CRB2: variants seen among roughly 807,000 people sequenced by gnomAD.
The protein encoded by CRB2 is protein crumbs homolog 2.
CRB2 carries 85 observed loss-of-function variants against 110.9 expected under a neutral mutation model. That is an observed-to-expected ratio of 0.77 (90% CI 0.64 to 0.92). CRB2 has a LOEUF of 0.92. CRB2 is among the 40% of genes least tolerant of loss of function. CRB2 has a pLI of 0.00. For synonymous variants in CRB2, 907 were observed against 831.0 expected (o/e 1.09, Z -1.57); for missense variants, 1,843 against 1,851.3 (o/e 1.00, Z 0.08).
At chr9:123,354,155 T>C (rs1391068315), upstream of CRB2, among the ~76,000 whole-genome samples, 1 of 152,236 alleles carries the variant, frequency 6.6e-6, no homozygotes, top group Non-Finnish European at 1.5e-5. Context: ...CCCCGTCACG[T>C]GGGACTCCTG....
At chr9:123,378,809 T>TTTTTTTG (rs2042151443), downstream of CRB2, 1 of 70,290 alleles carries the variant, frequency 1.4e-5, no homozygotes, top group Non-Finnish European at 2.7e-5. Flanking sequence ...TTTTTTGTTT[T>TTTTTTTG]TTTTTTTTTT....
In CRB2 at chr9:123,374,703, T is replaced by TG; in HGVS notation, c.3506+13dup. The TG allele has an allele frequency of 6.3e-7, 1 of 1,593,342 alleles. No homozygotes were observed. The highest frequency in any genetic ancestry group is 8.6e-7 in the Non-Finnish European group (1 of 1,167,934). On this transcript the variant is annotated intron_variant, in intron 11 of 12. Coordinates refer to ENST00000373631, the MANE Select transcript of CRB2 (RefSeq NM_173689.7). ...GGGTCTTGCTGGCCAGAGGTGGGTC[T>TG]GGGGGCCTGGGAACTGTGAGGAGGT... is the stretch of plus-strand genomic sequence containing the variant.
intron 5 of CRB2, 61 bp from the exon 6 acceptor site, chr9:123,367,512 C>G (rs1488436861): frequency 2.1e-6 from 3 of 1,432,076 alleles, no homozygotes; most frequent in Non-Finnish European, 2.9e-6. Flanking sequence ...TAGAATGGAC[C>G]CTCTCAGCCC....
intron 5 of CRB2, 74 bp from the exon 6 acceptor site, chr9:123,367,499 C>T: frequency 7.6e-7 from 1 of 1,323,928 alleles, no homozygotes; most frequent in Non-Finnish European, 1.0e-6. Context: ...GTCTCTCTAG[C>T]TATAGAATGG....
At position 123,372,132 on chromosome 9, in the gene CRB2, G is replaced by T. The variant is rs1173661274; in HGVS notation, c.2437-45G>T. ...TGCAATGCCAGTTATGGTGGGTGAT[G>T]CTCACTGCAGTCCTGAGCCAACCCC... On this transcript the variant is annotated intron_variant, in intron 8 of 12. Transcript: ENST00000373631. 1.9e-6 allele frequency: 3 copies of T among 1,596,194 alleles called. No individual in the cohort carries two copies. In the East Asian group the frequency reaches 6.7e-5, roughly 36 times the overall value.
At position 123,373,629 on chromosome 9, in the gene CRB2, C is replaced by T. The variant is rs2042053666; in HGVS notation, c.3098C>T (p.Ala1033Val). ...CCCTTGGCGCGGCCCCGGCCCGGCG[C>T]GGCCCCTGGCGCCCGAGAGCACTTC... Reference protein sequence around the residue: ...PLPLARPRPGAAPGAREHFAS... With the variant: ...PLPLARPRPGVAPGAREHFAS... The change falls in exon 10 of 13, where the codon GCG becomes GTG. Residue 1033 changes from alanine to valine, a missense_variant. Physicochemically the swap from Ala to Val is moderately conservative, Grantham distance 64. Coordinates refer to ENST00000373631, the MANE Select transcript of CRB2 (RefSeq NM_173689.7). 2 of 1,367,598 alleles carry T rather than the reference C, an allele frequency of 1.5e-6. No individual in the cohort carries two copies. Among genetic ancestry groups the T allele is most frequent in the African/African-American group, 1.5e-5 (1 of 65,278 alleles). The allele number at this position is 1,367,598 out of a possible 1,614,324, so 84.7% of individuals were successfully genotyped here.
intron 8 of CRB2, 111 bp from the exon 9 acceptor site, chr9:123,372,066 G>C (rs2042024626): frequency 9.4e-7 from 1 of 1,061,472 alleles, no homozygotes; most frequent in African/African-American, 1.6e-5. Context: ...TCGTTTGTGA[G>C]GAGATACTGT....
rs1201707992 is a variant in CRB2, at chr9:123,370,223, G to T, written c.1170G>T (p.Gly390=). Residue 390 remains glycine, a synonymous_variant, in exon 7 of 13, where the codon GGG becomes GGT. Transcript: ENST00000373631. ...YICRCPETWG[G]RDCSVQLTGC... ...GCAGGTGCCCAGAGACCTGGGGTGG[G>T]CGCGACTGTTCTGTGCAGCTCACTG... The T allele has an allele frequency of 1.9e-6, 3 of 1,613,078 alleles. No individual in the cohort carries two copies. Among genetic ancestry groups the T allele is most frequent in the Non-Finnish European group, 2.5e-6 (3 of 1,180,018 alleles).
chr9:123,371,293 C>T lies in CRB2; in HGVS notation c.2151C>T (p.Leu717=), dbSNP rs1158548095. The change falls in exon 8 of 13, where the codon CTC becomes CTT. Residue 717 remains leucine, a synonymous_variant. Transcript: ENST00000373631. ...AEVPGSPAVV[L]PGRWDDGLRH... ...TGCCGGGCAGTCCTGCTGTAGTGCT[C>T]CCTGGGCGCTGGGATGATGGGCTCC... The T allele has an allele frequency of 1.2e-6, 2 of 1,613,310 alleles. No homozygotes were observed. Among genetic ancestry groups the T allele is most frequent in the Non-Finnish European group, 1.7e-6 (2 of 1,179,656 alleles).
rs2042041619 is a variant in CRB2, at chr9:123,373,173, C to T, written c.2642C>T (p.Ala881Val). Residue 881 changes from alanine to valine, a missense_variant, in exon 10 of 13, where the codon GCG (alanine) becomes GTG (valine). Ala to Val is a moderately conservative substitution (Grantham distance 64, BLOSUM62 0). Coordinates refer to ENST00000373631, the MANE Select transcript of CRB2 (RefSeq NM_173689.7). ...EATFREGPPA[A>V]FSGHNASSGR... is the part of the protein sequence containing the mutation. Reference sequence around the variant, plus strand: ...ACGTTCCGCGAGGGTCCCCCCGCCGCGTTCAGCGGGCACAACGCGTCGTCA... The same window carrying T: ...ACGTTCCGCGAGGGTCCCCCCGCCGTGTTCAGCGGGCACAACGCGTCGTCA... 6.6e-7 allele frequency: 1 copy of T among 1,514,272 alleles called. No individual in the cohort carries two copies. Among genetic ancestry groups the T allele is most frequent in the Non-Finnish European group, 8.8e-7 (1 of 1,137,288 alleles). 93.8% of individuals were successfully genotyped at this position (1,514,272 alleles called of 1,614,324 possible). A position where few individuals can be genotyped will look rare whatever the true frequency, so the allele number is the denominator to read the frequency against.
chr9:123,365,361 G>T (rs1420850691), intron 2 of CRB2, among the ~76,000 whole-genome samples: 1 of 152,100 alleles, frequency 6.6e-6, no homozygotes, highest in Admixed American at 6.5e-5. Flanking sequence ...GGACCCAGAG[G>T]TTACCTGGTC....
At chr9:123,378,811 T>TTTTG (rs1564382955), downstream of CRB2, 2 of 76,836 alleles carry the variant, frequency 2.6e-5, no homozygotes, top group Admixed American at 1.6e-4. Flanking sequence ...TTTTGTTTTT[T>TTTTG]TTTTTTTTTT....
At chr9:123,362,063 G>C (rs62579938) in intron 1 of CRB2, among the ~76,000 whole-genome samples, 24,961 of 152,152 alleles carry the variant, frequency 0.16, 2,396 homozygotes, top group African/African-American at 0.25. Context: ...TGCGACCTTG[G>C]CCAGGCCGGC....
intron 12 of CRB2, among the ~76,000 whole-genome samples, chr9:123,375,836 G>A (rs1325624529): frequency 6.6e-6 from 1 of 152,084 alleles, no homozygotes; most frequent in Non-Finnish European, 1.5e-5. Context: ...AGCCCAGGAG[G>A]AGCCTGGACA....
intron 8 of CRB2, 54 bp from the exon 9 acceptor site, chr9:123,372,123 G>C: frequency 6.4e-7 from 1 of 1,570,130 alleles, no homozygotes. Context: ...GCCAGTTATG[G>C]TGGGTGATGC....
In CRB2 at chr9:123,366,231, C is replaced by T. The variant is rs763131634; in HGVS notation, c.619C>T (p.Arg207Trp). Residue 207 changes from arginine to tryptophan, a missense_variant, in exon 4 of 13, where the codon CGG (arginine) becomes TGG (tryptophan). Transcript: ENST00000373631. Reference protein sequence around the residue: ...GTCHDLVNGFRCDCAGTGYEG... With the variant: ...GTCHDLVNGFWCDCAGTGYEG... The stretch of plus-strand genomic sequence containing the variant: ...CCGCCGGTGCGCCCTCCCCAGGTTC[C>T]GGTGCGACTGCGCGGGCACCGGCTA... The T allele has an allele frequency of 8.9e-6, 13 of 1,462,980 alleles. No homozygotes were observed. Among genetic ancestry groups the T allele is most frequent in the Admixed American group, 5.4e-5 (2 of 37,156 alleles). 90.6% of individuals were successfully genotyped at this position (1,462,980 alleles called of 1,614,324 possible).
chr9:123,361,142 G>GGGGGGC (rs1554781934), intron 1 of CRB2, among the ~76,000 whole-genome samples: 4 of 150,568 alleles, frequency 2.7e-5, no homozygotes, highest in East Asian at 2.0e-4. Context: ...CGGGGAGGGG[G>GGGGGGC]GGGGGTTCCT....
chr9:123,357,805 G>T (rs938232741), intron 1 of CRB2, among the ~76,000 whole-genome samples: 3 of 152,188 alleles, frequency 2.0e-5, no homozygotes, highest in African/African-American at 7.2e-5. Flanking sequence ...AGACACATGT[G>T]GATCTACCAG....
In CRB2 at chr9:123,371,381, G is replaced by T; in HGVS notation, c.2239G>T (p.Val747Leu). ...QLQDLGQHVH[V>L]GGRLLAADSQ... ...GCAGGACCTGGGGCAGCACGTGCAC[G>T]TGGGTGGGAGGCTCCTTGCTGCCGA... Residue 747 changes from valine (V) to leucine (L), a missense_variant, in exon 8 of 13, where the codon GTG (valine) becomes TTG (leucine). By Grantham distance (32) the Val-to-Leu change is conservative. Coordinates refer to ENST00000373631, the MANE Select transcript of CRB2 (RefSeq NM_173689.7). 6.2e-7 allele frequency: 1 copy of T among 1,607,040 alleles called. No homozygotes were observed. The highest frequency in any genetic ancestry group is 8.5e-7 in the Non-Finnish European group (1 of 1,176,410).
Sources: gnomAD v4.1 joint callset for allele counts (sites outside exome capture counted in the v4.1 genomes callset) on GRCh38, gnomAD v4.1.1 for gene constraint, MANE v1.5 for transcripts, NCBI Gene and HGNC (gene_info 2026-07-23, HGNC 2026-07-21) for gene names.